The following ESYT2 variants were observed in gnomAD, a reference collection of about 807,000 sequenced individuals.
ESYT2 encodes extended synaptotagmin-2.
ESYT2 carries 54 observed loss-of-function variants against 107.2 expected under a neutral mutation model. That is an observed-to-expected ratio of 0.50 (90% CI 0.40 to 0.63). ESYT2 has a LOEUF of 0.63. Ranked by LOEUF, ESYT2 falls within the 30% of genes least tolerant of loss-of-function variation. The pLI, the probability that ESYT2 is intolerant of heterozygous loss-of-function variation, is 0.00. For missense variants in ESYT2, 1,020 were observed against 1,094.5 expected (o/e 0.93, Z 0.96); for synonymous variants, 491 against 434.1 (o/e 1.13, Z -1.63).
chr7:158,759,670 AAAAT>A, intron 12 of ESYT2, 89 bp from the exon 13 acceptor site: 3 of 1,098,766 alleles, frequency 2.7e-6, no homozygotes, highest in Non-Finnish European at 3.9e-6. Flanking sequence ...GATTACGCTA[AAAAT>A]AAGAAAGGTG....
rs1297121797 is a variant in ESYT2 at position 158,829,253 on chromosome 7, G to C, written c.166C>G (p.Leu56Val). Residue 56 changes from leucine (L) to valine (V), a missense_variant, in exon 1 of 23, where the codon CTG (leucine) becomes GTG (valine). Leu to Val is a conservative substitution (Grantham distance 32). Coordinates refer to ENST00000275418, the MANE Select transcript of ESYT2 (RefSeq NM_001367773.1). Reference protein sequence around the residue: ...LLLPVYALGYLGLSFSWVLLA... With the variant: ...LLLPVYALGYVGLSFSWVLLA... ...AGAACCCAGCTGAAGCTGAGCCCCA[G>C]GTAGCCCAGCGCGTACACGGGCAGC... 2.0e-6 allele frequency: 3 copies of C among 1,526,872 alleles called. No homozygotes were observed. Among genetic ancestry groups the C allele is most frequent in the South Asian group, 1.2e-5 (1 of 83,484 alleles). The allele number at this position is 1,526,872 out of a possible 1,614,324, so 94.6% of individuals were successfully genotyped here.
At position 158,829,111 on chromosome 7, in the gene ESYT2, C is replaced by T. The variant is rs1457040157; in HGVS notation, c.308G>A (p.Arg103His). Residue 103 changes from arginine (R) to histidine (H), a missense_variant, in exon 1 of 23, where the codon CGC becomes CAC. Coordinates refer to ENST00000275418, the MANE Select transcript of ESYT2 (RefSeq NM_001367773.1). ...CACCCAGGCGGGCAGGTCGCAGGCG[C>T]GCACCCCCAGGCGCACGACGCGCTC... The part of the protein sequence containing the change: ...DEERVVRLGV[R>H]ACDLPAWVHF... 5 of 1,580,944 alleles carry T rather than the reference C, an allele frequency of 3.2e-6. No homozygotes were observed. Among genetic ancestry groups the T allele is most frequent in the Admixed American group, 1.7e-5 (1 of 58,352 alleles).
At chr7:158,743,422 C>T in intron 17 of ESYT2, 107 bp downstream of exon 17, 3 of 1,439,198 alleles carry the variant, frequency 2.1e-6, no homozygotes, top group East Asian at 2.6e-5. Flanking sequence ...AGAGCTGCAG[C>T]CGACACAGAG....
At chr7:158,737,000 C>T (rs541283023) in intron 20 of ESYT2, 48 bp downstream of exon 20, 18 of 1,604,410 alleles carry the variant, frequency 1.1e-5, no homozygotes, top group South Asian at 1.0e-4. Context: ...CTTCTTAATC[C>T]GTCACTTCAA....
At chr7:158,806,205 A>C (rs1042269809) in intron 1 of ESYT2, among the ~76,000 whole-genome samples, 1 of 151,274 alleles carries the variant, frequency 6.6e-6, no homozygotes, top group African/African-American at 2.4e-5. Flanking sequence ...GGGCTTCCTC[A>C]CTGTTTGCAA....
intron 1 of ESYT2, among the ~76,000 whole-genome samples, chr7:158,805,039 T>C (rs1839785462): frequency 6.6e-6 from 1 of 152,216 alleles, no homozygotes; most frequent in African/African-American, 2.4e-5. Context: ...GGCGCTTCAA[T>C]GTTTAGAACT....
intron 18 of ESYT2, among the ~76,000 whole-genome samples, chr7:158,741,184 C>T (rs868474272): frequency 5.3e-5 from 8 of 152,176 alleles, no homozygotes; most frequent in South Asian, 2.1e-4. Context: ...CAGCGAGGCC[C>T]GCGGGCCAGC....
Position 158,788,024 on chromosome 7 carries a change from T to C in ESYT2, c.727A>G (p.Ile243Val), listed in dbSNP as rs554917145. Reference protein sequence around the residue: ...GDMPLVGALSIFFLRKPLLEI... With the variant: ...GDMPLVGALSVFFLRKPLLEI... ...CTTACTGGTTTCCTAAGGAAGAAGATAGACAAAGCTCCAACTAAGGGCATA... is the reference window on the plus strand; with the variant it reads ...CTTACTGGTTTCCTAAGGAAGAAGACAGACAAAGCTCCAACTAAGGGCATA... Residue 243 changes from isoleucine (I) to valine (V), a missense_variant, in exon 6 of 23, where the codon ATC (isoleucine) becomes GTC (valine). By Grantham distance (29) the Ile-to-Val change is conservative. Transcript: ENST00000275418. The C allele has an allele frequency of 1.1e-4, 172 of 1,613,874 alleles. No individual in the cohort carries two copies. Among genetic ancestry groups the C allele is most frequent in the African/African-American group, 5.2e-4 (39 of 75,060 alleles).
rs555913006 is a variant in ESYT2, at chr7:158,819,007, A to G, written c.330+10082T>C. Among the ~76,000 whole-genome samples the G allele has an allele frequency of 5.5e-4, 84 of 152,378 alleles. 1 individual carries two copies. Among genetic ancestry groups the G allele is most frequent in the African/African-American group, 1.9e-3 (80 of 41,596 alleles). On this transcript the variant is annotated intron_variant, in intron 1 of 22. Transcript: ENST00000275418. ...TTCAACAAATCATCATGGGAACCTC[A>G]AAGTAGCCATTACTCAATTGTGCTA...
chr7:158,744,259 T>C (rs768248590), intron 16 of ESYT2: 2 of 152,248 alleles, frequency 1.3e-5, no homozygotes, highest in African/African-American at 2.4e-5. Flanking sequence ...TTCGTCATTA[T>C]AGATTACAAT....
chr7:158,825,781 G>A (rs1840422159), intron 1 of ESYT2, among the ~76,000 whole-genome samples: 1 of 152,178 alleles, frequency 6.6e-6, no homozygotes, highest in African/African-American at 2.4e-5. Context: ...GACACACTAT[G>A]AAAACAAGTA....
intron 1 of ESYT2, among the ~76,000 whole-genome samples, chr7:158,817,141 C>T (rs1358849504): frequency 6.6e-6 from 1 of 152,176 alleles, no homozygotes; most frequent in Non-Finnish European, 1.5e-5. Flanking sequence ...CAGAGGCATT[C>T]CAAAGTTAAC....
chr7:158,781,790 C>T (rs1563649357), intron 6 of ESYT2, among the ~76,000 whole-genome samples: 1 of 149,582 alleles, frequency 6.7e-6, no homozygotes, highest in African/African-American at 2.5e-5. Context: ...CAAGTGTGAA[C>T]GAGTGTGAGA....
At chr7:158,803,278 T>C (rs1051708325) in intron 1 of ESYT2, among the ~76,000 whole-genome samples, 5 of 152,238 alleles carry the variant, frequency 3.3e-5, no homozygotes, top group Non-Finnish European at 5.9e-5. Context: ...GAACAACATC[T>C]AAGCGGGTAG....
At chr7:158,785,678 AAGGCTAC>A (rs1839086374) in intron 6 of ESYT2, among the ~76,000 whole-genome samples, 2 of 152,192 alleles carry the variant, frequency 1.3e-5, no homozygotes, top group Non-Finnish European at 2.9e-5. Context: ...AAGTTGTTCA[AAGGCTAC>A]AGTAAGAGAA....
At chr7:158,762,982 G>T in intron 10 of ESYT2, 101 bp downstream of exon 10, 2 of 722,144 alleles carry the variant, frequency 2.8e-6, no homozygotes, top group Non-Finnish European at 4.5e-6. Flanking sequence ...TTAATGAATA[G>T]ACAACAAGTA....
At chr7:158,734,389 C>T in intron 22 of ESYT2, 33 bp downstream of exon 22, 2 of 1,612,986 alleles carry the variant, frequency 1.2e-6, no homozygotes, top group Non-Finnish European at 1.7e-6. Context: ...TAGCTACACA[C>T]TGGGGTTCTC....
chr7:158,791,556 T>C (rs1480077727), intron 4 of ESYT2, among the ~76,000 whole-genome samples: 1 of 152,212 alleles, frequency 6.6e-6, no homozygotes, highest in Non-Finnish European at 1.5e-5. Flanking sequence ...AGGTTCCAAT[T>C]TCTCCACATC....
intron 6 of ESYT2, among the ~76,000 whole-genome samples, chr7:158,776,742 C>T (rs1018174814): frequency 6.6e-6 from 1 of 152,200 alleles, no homozygotes; most frequent in African/African-American, 2.4e-5. Flanking sequence ...TATTTTCCTT[C>T]GAACATTTCC....
Sources: gnomAD v4.1 joint callset for allele counts (sites outside exome capture counted in the v4.1 genomes callset) on GRCh38, gnomAD v4.1.1 for gene constraint, MANE v1.5 for transcripts, NCBI Gene and HGNC (gene_info 2026-07-23, HGNC 2026-07-21) for gene names.